EYS: variants seen among roughly 807,000 people sequenced by gnomAD.
EYS encodes the protein protein eyes shut homolog.
Under a neutral mutation model 282.1 loss-of-function variants are expected in EYS, and 250 were observed. The observed-to-expected ratio is 0.89, with a 90% CI of 0.80 to 0.98. The LOEUF (loss-of-function observed/expected upper bound fraction) is 0.98. Ranked by LOEUF, EYS falls within the 50% of genes least tolerant of loss-of-function variation. The probability of loss-of-function intolerance (pLI) is 0.00; values close to 1 mark genes in which losing one functional copy is unlikely to be tolerated. For missense variants in EYS, 4,016 were observed against 3,709.0 expected (o/e 1.08, Z -2.15); for synonymous variants, 1,355 against 1,282.9 (o/e 1.06, Z -1.20).
chr6:65,370,424 TAA>T lies in EYS; in HGVS notation c.1299+13960_1299+13961del, dbSNP rs36003353. On this transcript the variant is annotated intron_variant, in intron 8 of 42. Coordinates refer to ENST00000503581, the MANE Select transcript of EYS (RefSeq NM_001142800.2). ...ATGCGTGCCACCAGATCACACTAATTAAAAAAAAAAAATAGAAATTGCATCTC... is the reference window on the plus strand; with the variant it reads ...ATGCGTGCCACCAGATCACACTAATTAAAAAAAAAATAGAAATTGCATCTC... Among the ~76,000 whole-genome samples the T allele has an allele frequency of 7.3e-4, 107 of 146,054 alleles. 1 individual carries two copies. The highest frequency in any genetic ancestry group is 1.1e-3 in the Non-Finnish European group (76 of 66,568).
chr6:64,632,249 A>G (rs533018255), intron 22 of EYS, among the ~76,000 whole-genome samples: 11 of 152,024 alleles, frequency 7.2e-5, no homozygotes, highest in Non-Finnish European at 1.6e-4. Flanking sequence ...TCCGTGATTT[A>G]TCTTCTTTTT....
chr6:65,693,365 A>T (rs1308003694), intron 1 of EYS, among the ~76,000 whole-genome samples: 3 of 148,398 alleles, frequency 2.0e-5, no homozygotes, highest in Non-Finnish European at 4.5e-5. Flanking sequence ...TCTGATAGAG[A>T]CACAGCCCTC....
At chr6:64,354,033 G>T (rs765238507) in intron 29 of EYS, among the ~76,000 whole-genome samples, 24 of 151,584 alleles carry the variant, frequency 1.6e-4, no homozygotes, top group Non-Finnish European at 2.7e-4. Context: ...CACTGCTCTT[G>T]TTGGTGGCAG....
At chr6:63,755,596 T>C (rs895753124) in intron 41 of EYS, among the ~76,000 whole-genome samples, 1 of 152,234 alleles carries the variant, frequency 6.6e-6, no homozygotes, top group Admixed American at 6.5e-5. Context: ...TTGCTTAGGA[T>C]TGTCCTGGCT....
chr6:64,356,292 A>T (rs1771822619), intron 29 of EYS, among the ~76,000 whole-genome samples: 1 of 151,496 alleles, frequency 6.6e-6, no homozygotes, highest in Admixed American at 6.6e-5. Context: ...AAGAACATAC[A>T]CTAGGAAAAA....
At chr6:65,509,947 C>A (rs9363382) in intron 2 of EYS, among the ~76,000 whole-genome samples, 26,626 of 152,008 alleles carry the variant, frequency 0.18, 2,903 homozygotes, top group East Asian at 0.28. Context: ...TCTGTTGGAT[C>A]CTTGTTTCCT....
chr6:65,584,627 T>G (rs1356793593), intron 2 of EYS, among the ~76,000 whole-genome samples: 1 of 152,080 alleles, frequency 6.6e-6, no homozygotes, highest in South Asian at 2.1e-4. Flanking sequence ...TCTTTGAAAA[T>G]ACTACGCTAA....
At chr6:65,058,934 T>G (rs1447561828) in intron 12 of EYS, among the ~76,000 whole-genome samples, 2 of 152,082 alleles carry the variant, frequency 1.3e-5, no homozygotes, top group Non-Finnish European at 2.9e-5. Context: ...TTAAAAAAAT[T>G]CTGTAAAACA....
rs1767625821 is a variant in EYS, at chr6:63,991,977, AAG to A, written c.6834+7096_6834+7097del. 5.3e-5 allele frequency among the ~76,000 whole-genome samples: 8 copies of A among 151,954 alleles called. No individual in the cohort carries two copies. The East Asian group carries it at 1.6e-3, about 29-fold the overall frequency. Reference sequence around the variant, plus strand: ...CATTTTTTAAAGGAACCTGCAAACCAAGAATACTGTATTTGCCAAAACTGTCC... The same window carrying A: ...CATTTTTTAAAGGAACCTGCAAACCAAATACTGTATTTGCCAAAACTGTCC... On this transcript the variant is annotated intron_variant, in intron 34 of 42. Coordinates refer to ENST00000503581, the MANE Select transcript of EYS (RefSeq NM_001142800.2).
chr6:64,081,101 T>C (rs747060331), intron 32 of EYS, among the ~76,000 whole-genome samples: 2 of 152,166 alleles, frequency 1.3e-5, no homozygotes, highest in Non-Finnish European at 2.9e-5. Context: ...AAGAAAGTCA[T>C]TGGTGACTTT....
chr6:65,212,688 T>C (rs1254114973), intron 12 of EYS, among the ~76,000 whole-genome samples: 1 of 152,120 alleles, frequency 6.6e-6, no homozygotes, highest in Admixed American at 6.5e-5. Flanking sequence ...GACAGTGCTG[T>C]TCTAAGAAAT....
chr6:65,499,277 G>A (rs1161517407), intron 2 of EYS, among the ~76,000 whole-genome samples: 2 of 151,808 alleles, frequency 1.3e-5, no homozygotes, highest in Non-Finnish European at 2.9e-5. Flanking sequence ...AAACAAATAA[G>A]TTTTATATAA....
At position 63,727,723 on chromosome 6, in the gene EYS, A is replaced by ATATATATATAT. The variant is rs1409002144; in HGVS notation, c.8072-1044_8072-1043insATATATATATA. Reference sequence around the variant, plus strand: ...CCATCTCTCAAAAAAAAAAAAAAAAAAAAAAAAAAAAAAAATATATATATA... The same window carrying ATATATATATAT: ...CCATCTCTCAAAAAAAAAAAAAAAAATATATATATATAAAAAAAAAAAAAAATATATATATA... On this transcript the variant is annotated intron_variant, in intron 41 of 42. Coordinates refer to ENST00000503581, the MANE Select transcript of EYS (RefSeq NM_001142800.2). 8.8e-4 allele frequency among the ~76,000 whole-genome samples: 57 copies of ATATATATATAT among 64,428 alleles called. 2 individuals are homozygous for ATATATATATAT. Among genetic ancestry groups the ATATATATATAT allele is most frequent in the African/African-American group, 6.5e-3 (53 of 8,210 alleles). The allele number at this position is 64,428 out of a possible 152,430, so 42.3% of individuals were successfully genotyped here.
intron 29 of EYS, among the ~76,000 whole-genome samples, chr6:64,327,379 C>T (rs1486950967): frequency 6.6e-6 from 1 of 152,042 alleles, no homozygotes; most frequent in Non-Finnish European, 1.5e-5. Flanking sequence ...CACTGGGGTG[C>T]ATGCTGAAAA....
At chr6:64,014,368 G>GT (rs149536813) in intron 33 of EYS, among the ~76,000 whole-genome samples, 2,418 of 151,912 alleles carry the variant, frequency 0.016, 47 homozygotes, top group African/African-American at 0.049. Context: ...TAAGTATGTA[G>GT]TTTTTTTGTT....
At chr6:65,252,798 G>A (rs1259127094) in intron 12 of EYS, among the ~76,000 whole-genome samples, 2 of 151,980 alleles carry the variant, frequency 1.3e-5, no homozygotes, top group African/African-American at 4.8e-5. Context: ...TTTTACAATT[G>A]AAAATTGAAA....
intron 12 of EYS, among the ~76,000 whole-genome samples, chr6:65,168,004 A>G (rs147481124): frequency 9.2e-5 from 14 of 151,420 alleles, no homozygotes; most frequent in African/African-American, 3.4e-4. Flanking sequence ...CTTCTTGAAC[A>G]GAGAGAACAG....
Position 64,230,837 on chromosome 6 carries a change from A to C in EYS, c.6192-13T>G, listed in dbSNP as rs897534568. ...AAATCCCTGGGATCTGTGATTTATA[A>C]ACAGACAAGAAAACAAAATATAAGT... On this transcript the variant is annotated splice_polypyrimidine_tract_variant and intron_variant, in intron 30 of 42. Transcript: ENST00000503581. The C allele has an allele frequency of 1.4e-6, 2 of 1,480,508 alleles. No individual in the cohort carries two copies. The highest frequency in any genetic ancestry group is 2.8e-5 in the African/African-American group (2 of 71,428). 91.7% of individuals were successfully genotyped at this position (1,480,508 alleles called of 1,614,324 possible).
chr6:65,329,194 C>T (rs539924564), intron 11 of EYS: 48 of 238,312 alleles, frequency 2.0e-4, no homozygotes, highest in East Asian at 5.4e-4. Flanking sequence ...AAATATATAA[C>T]GTATGTATTT....
Sources: gnomAD v4.1 joint callset for allele counts (sites outside exome capture counted in the v4.1 genomes callset) on GRCh38, gnomAD v4.1.1 for gene constraint, MANE v1.5 for transcripts, NCBI Gene and HGNC (gene_info 2026-07-23, HGNC 2026-07-21) for gene names.